AFAP1: variants seen among roughly 807,000 people sequenced by gnomAD.
AFAP1 encodes the protein actin filament-associated protein 1.
AFAP1 carries 75 observed loss-of-function variants against 93.9 expected under a neutral mutation model. The observed-to-expected ratio is 0.80, with a 90% CI of 0.66 to 0.97. The LOEUF is 0.97. AFAP1 is among the 50% of genes least tolerant of loss of function. AFAP1 has a pLI of 0.00. For synonymous variants in AFAP1, 517 were observed against 430.7 expected, an observed-to-expected ratio of 1.20 and a Z score of -2.48; for missense variants, 1,201 against 1,050.8, an observed-to-expected ratio of 1.14 and a Z score of -1.98.
intron 14 of AFAP1, chr4:7,777,164 C>T (rs1716217928): frequency 6.6e-6 from 1 of 152,188 alleles, no homozygotes; most frequent in Non-Finnish European, 1.5e-5. Context: ...TGAGCTGCTC[C>T]TCTCCCCCAT....
intron 1 of AFAP1, among the ~76,000 whole-genome samples, chr4:7,887,596 A>G (rs1718206576): frequency 1.3e-5 from 2 of 152,220 alleles, no homozygotes. Flanking sequence ...ATTTGGAATG[A>G]GCATTTATGA....
chr4:7,775,908 T>C (rs1299789064), intron 14 of AFAP1: 1 of 152,192 alleles, frequency 6.6e-6, no homozygotes, highest in Non-Finnish European at 1.5e-5. Context: ...AAACTAGCTG[T>C]AGGGAAAATT....
intron 4 of AFAP1, among the ~76,000 whole-genome samples, chr4:7,855,013 C>A (rs1350804779): frequency 1.3e-5 from 2 of 152,150 alleles, no homozygotes; most frequent in Non-Finnish European, 1.5e-5. Flanking sequence ...AAAGAAAAAA[C>A]CAAAAGTCTA....
chr4:7,892,931 A>G (rs1257952077), intron 1 of AFAP1, among the ~76,000 whole-genome samples: 2 of 152,216 alleles, frequency 1.3e-5, no homozygotes, highest in Non-Finnish European at 2.9e-5. Flanking sequence ...GAAAAAGACC[A>G]TCAAGAGAAC....
chr4:7,835,883 C>T (rs999060450), intron 6 of AFAP1, among the ~76,000 whole-genome samples: 2 of 152,042 alleles, frequency 1.3e-5, no homozygotes, highest in African/African-American at 4.8e-5. Context: ...TGAGGGCTGC[C>T]TTAAGGTTAC....
chr4:7,858,453 C>T (rs114620628), intron 3 of AFAP1, among the ~76,000 whole-genome samples: 1,739 of 152,270 alleles, frequency 0.011, 38 homozygotes, highest in African/African-American at 0.037. Context: ...GTTTCAGACA[C>T]TTCAGGCTTG....
chr4:7,793,654 GC>G, intron 11 of AFAP1, 26 bp downstream of exon 11: 1 of 1,488,502 alleles, frequency 6.7e-7, no homozygotes, highest in South Asian at 1.4e-5. Context: ...GAACTGTGGT[GC>G]CATTTCACAT....
chr4:7,898,899 G>A (rs1718953587), intron 1 of AFAP1, among the ~76,000 whole-genome samples: 2 of 146,186 alleles, frequency 1.4e-5, no homozygotes, highest in South Asian at 2.2e-4. Flanking sequence ...ATACAGAGAG[G>A]GAGAAATATA....
At chr4:7,809,271 T>G (rs1007509441) in intron 9 of AFAP1, among the ~76,000 whole-genome samples, 2 of 151,672 alleles carry the variant, frequency 1.3e-5, no homozygotes, top group Non-Finnish European at 2.9e-5. Context: ...CTTAGTTCTG[T>G]AAAGGTTTTC....
intron 16 of AFAP1, among the ~76,000 whole-genome samples, chr4:7,770,800 C>T (rs1422844194): frequency 6.6e-6 from 1 of 152,148 alleles, no homozygotes; most frequent in Non-Finnish European, 1.5e-5. Context: ...TCCTGCCCTG[C>T]CACCACCCTC....
chr4:7,823,379 G>A (rs1721144418), intron 6 of AFAP1, among the ~76,000 whole-genome samples: 1 of 152,186 alleles, frequency 6.6e-6, no homozygotes, highest in Non-Finnish European at 1.5e-5. Context: ...AGAGCCTCAT[G>A]ACCAAGCTTC....
At chr4:7,814,055 C>T (rs1018696470) in intron 8 of AFAP1, among the ~76,000 whole-genome samples, 20 of 152,284 alleles carry the variant, frequency 1.3e-4, no homozygotes, top group African/African-American at 4.3e-4. Flanking sequence ...CCTTCACCTC[C>T]GTCCACATAC....
chr4:7,881,224 A>G (rs1717824385), intron 1 of AFAP1, among the ~76,000 whole-genome samples: 1 of 151,796 alleles, frequency 6.6e-6, no homozygotes, highest in East Asian at 1.9e-4. Flanking sequence ...TCCCCTGTCT[A>G]GTCTACACCA....
At chr4:7,834,472 G>T (rs4487339) in intron 6 of AFAP1, among the ~76,000 whole-genome samples, 5,227 of 152,288 alleles carry the variant, frequency 0.034, 295 homozygotes, top group African/African-American at 0.12. Context: ...ACTTACTCAT[G>T]TCACCAAACA....
chr4:7,889,704 T>TTTTA (rs1553852349), intron 1 of AFAP1, among the ~76,000 whole-genome samples: 73 of 144,670 alleles, frequency 5.0e-4, no homozygotes, highest in African/African-American at 1.8e-3. Context: ...TTTTTTTTTT[T>TTTTA]AAAAAAAGAA....
chr4:7,930,214 G>A (rs1720987671), intron 1 of AFAP1, among the ~76,000 whole-genome samples: 1 of 152,174 alleles, frequency 6.6e-6, no homozygotes, highest in Non-Finnish European at 1.5e-5. Context: ...GACGCACAGG[G>A]CACACCACGG....
At chr4:7,828,208 G>C (rs1167775966) in intron 6 of AFAP1, among the ~76,000 whole-genome samples, 3 of 152,140 alleles carry the variant, frequency 2.0e-5, no homozygotes, top group Admixed American at 2.0e-4. Context: ...ACCTAGGGCT[G>C]CTTGAAACCA....
In AFAP1 at chr4:7,868,648, G is replaced by A; in HGVS notation, c.199C>T (p.Leu67=). Residue 67 remains leucine, a synonymous_variant, in exon 3 of 18, where the codon CTG becomes TTG. Coordinates refer to ENST00000420658, the MANE Select transcript of AFAP1 (RefSeq NM_001134647.2). The part of the protein sequence containing the change: ...NSLPAPPQMP[L]PEIPQPWLPP... ...AGCCAGGGCTGAGGGATCTCCGGCA[G>A]GGGCATCTGAGGAGGGGCTGGCAGG... The A allele has an allele frequency of 6.2e-7, 1 of 1,612,766 alleles. No individual in the cohort carries two copies. The highest frequency in any genetic ancestry group is 1.1e-5 in the South Asian group (1 of 90,986).
intron 14 of AFAP1, chr4:7,775,420 T>C (rs1434053036): frequency 1.3e-5 from 2 of 152,656 alleles, no homozygotes; most frequent in African/African-American, 4.8e-5. Flanking sequence ...GAATGAACAT[T>C]CTATAATCGG....
Sources: gnomAD v4.1 joint callset for allele counts (sites outside exome capture counted in the v4.1 genomes callset) on GRCh38, gnomAD v4.1.1 for gene constraint, MANE v1.5 for transcripts, NCBI Gene and HGNC (gene_info 2026-07-23, HGNC 2026-07-21) for gene names.